Variants in CSMD1 observed in about 807,000 individuals in gnomAD.
The protein encoded by CSMD1 is CUB and sushi domain-containing protein 1.
In CSMD1, 213 loss-of-function variants were observed where a neutral mutation model predicts 417.5. The observed-to-expected ratio is 0.51, with a 90% confidence interval of 0.46 to 0.57. The LOEUF is 0.57. Among genes scored for constraint, CSMD1 ranks in the 20% least tolerant of loss-of-function variants. The pLI is 0.00. For synonymous variants in CSMD1, 2,862 were observed against 1,736.8 expected, an observed-to-expected ratio of 1.65 and a Z score of -16.11; for missense variants, 6,923 against 4,529.7, an observed-to-expected ratio of 1.53 and a Z score of -15.17.
chr8:3,886,512 C>T (rs145272787), intron 5 of CSMD1, among the ~76,000 whole-genome samples: 2 of 152,340 alleles, frequency 1.3e-5, no homozygotes, highest in African/African-American at 2.4e-5. Flanking sequence ...CCCAGCAGTG[C>T]TGCTGAAGTT....
intron 3 of CSMD1, among the ~76,000 whole-genome samples, chr8:4,381,461 T>C (rs554930883): frequency 1.3e-5 from 2 of 152,290 alleles, no homozygotes; most frequent in East Asian, 3.9e-4. Flanking sequence ...TGCCGACGTG[T>C]GCTAAAGATC....
At chr8:4,276,014 A>G (rs1312679058) in intron 3 of CSMD1, among the ~76,000 whole-genome samples, 1 of 152,162 alleles carries the variant, frequency 6.6e-6, no homozygotes, top group Admixed American at 6.6e-5. Flanking sequence ...TGCTTTTACA[A>G]TGTTGGTGGG....
intron 25 of CSMD1, among the ~76,000 whole-genome samples, chr8:3,300,780 A>T (rs149960911): frequency 0.011 from 1,688 of 151,416 alleles, 13 homozygotes; most frequent in Non-Finnish European, 0.016. Context: ...ACAGGGCGAA[A>T]CCCCGTGTCT....
At chr8:4,959,110 A>G (rs993384911) in intron 1 of CSMD1, among the ~76,000 whole-genome samples, 1 of 152,198 alleles carries the variant, frequency 6.6e-6, no homozygotes, top group Non-Finnish European at 1.5e-5. Flanking sequence ...CTTAGTTTTA[A>G]TATAGATTTT....
At chr8:4,856,367 A>G (rs961171170) in intron 1 of CSMD1, among the ~76,000 whole-genome samples, 1 of 145,736 alleles carries the variant, frequency 6.9e-6, no homozygotes, top group Non-Finnish European at 1.5e-5. Context: ...CTAACGAGCA[A>G]AATAACCAGC....
At chr8:3,892,916 C>T (rs942507773) in intron 5 of CSMD1, among the ~76,000 whole-genome samples, 20 of 151,610 alleles carry the variant, frequency 1.3e-4, no homozygotes, top group Non-Finnish European at 2.7e-4. Context: ...GAGCAAGAGG[C>T]CTCTCTGTGA....
chr8:2,960,547 T>C (rs1239604363), intron 62 of CSMD1, among the ~76,000 whole-genome samples: 2 of 152,210 alleles, frequency 1.3e-5, no homozygotes, highest in Non-Finnish European at 2.9e-5. Flanking sequence ...TTTAGGTATT[T>C]CTCCAACGTT....
At chr8:4,834,977 A>AAAAAAAAAAAAAAAAAAAAG (rs1385745588) in intron 1 of CSMD1, among the ~76,000 whole-genome samples, 1 of 32,240 alleles carries the variant, frequency 3.1e-5, no homozygotes, top group African/African-American at 5.3e-5. Context: ...AAAAAAAAAA[A>AAAAAAAAAAAAAAAAAAAAG]AAAGAAAGAA....
At chr8:4,032,820 G>T (rs906753089) in intron 3 of CSMD1, among the ~76,000 whole-genome samples, 1 of 152,176 alleles carries the variant, frequency 6.6e-6, no homozygotes, top group Non-Finnish European at 1.5e-5. Context: ...TCAACCATCT[G>T]AATGGACACA....
Position 4,788,465 on chromosome 8 carries a change from T to G in CSMD1, c.86-150907A>C, listed in dbSNP as rs182320835. ...ACTTTCTCCAGAAGGATCAGCTCAA[T>G]TTACTGCTCAGATATTTGGGGTAGA... On this transcript the variant is annotated intron_variant, in intron 1 of 69. Transcript: ENST00000635120. The G allele has an allele frequency of 1.6e-5, 21 of 1,338,344 alleles. No homozygotes were observed. The African/African-American group carries it at 2.8e-4, about 18-fold the overall frequency. 82.9% of individuals were successfully genotyped at this position (1,338,344 alleles called of 1,614,324 possible).
intron 4 of CSMD1, among the ~76,000 whole-genome samples, chr8:4,002,967 T>G (rs531849833): frequency 4.6e-5 from 7 of 152,188 alleles, no homozygotes; most frequent in Non-Finnish European, 8.8e-5. Flanking sequence ...AAAAATAACT[T>G]TATAAGTAAA....
intron 55 of CSMD1, among the ~76,000 whole-genome samples, 178 bp from the exon 56 acceptor site, chr8:2,974,802 AT>A (rs765517071): frequency 6.6e-6 from 1 of 152,086 alleles, no homozygotes; most frequent in Non-Finnish European, 1.5e-5. Flanking sequence ...TCCTCCCCTA[AT>A]TTCTTTACTG....
At chr8:4,954,892 T>C (rs1024654675) in intron 1 of CSMD1, among the ~76,000 whole-genome samples, 24 of 152,232 alleles carry the variant, frequency 1.6e-4, no homozygotes, top group African/African-American at 5.8e-4. Flanking sequence ...TCAGAGTACT[T>C]TGTTTCAAAA....
At chr8:4,296,703 T>TG (rs958460142) in intron 3 of CSMD1, among the ~76,000 whole-genome samples, 7 of 149,406 alleles carry the variant, frequency 4.7e-5, no homozygotes, top group Non-Finnish European at 8.9e-5. Flanking sequence ...AGGGTTTTTT[T>TG]TTTTTTTTTT....
chr8:4,209,750 G>A (rs1003308320), intron 3 of CSMD1, among the ~76,000 whole-genome samples: 5 of 152,184 alleles, frequency 3.3e-5, no homozygotes, highest in African/African-American at 1.2e-4. Context: ...TCCTAGCACA[G>A]CAGGACTACA....
chr8:3,614,900 GA>G (rs1167470738), intron 8 of CSMD1, among the ~76,000 whole-genome samples: 2 of 151,742 alleles, frequency 1.3e-5, no homozygotes, highest in African/African-American at 4.8e-5. Context: ...AAGGGGCACA[GA>G]AGGAAAGGGA....
chr8:3,636,831 T>C (rs1216113450), intron 7 of CSMD1, among the ~76,000 whole-genome samples: 2 of 152,190 alleles, frequency 1.3e-5, no homozygotes, highest in East Asian at 3.9e-4. Context: ...TTTTGCTATA[T>C]GAGTTTAAAT....
At chr8:3,623,531 T>G (rs1181432582) in intron 7 of CSMD1, among the ~76,000 whole-genome samples, 3 of 152,190 alleles carry the variant, frequency 2.0e-5, no homozygotes, top group African/African-American at 7.2e-5. Flanking sequence ...TAAAAATAAT[T>G]ACAATGATAC....
chr8:4,440,993 T>C (rs980162841), intron 2 of CSMD1, among the ~76,000 whole-genome samples: 2 of 129,228 alleles, frequency 1.5e-5, no homozygotes, highest in South Asian at 2.6e-4. Flanking sequence ...TGAGACTCTA[T>C]CTCAAAAAAA....
Sources: gnomAD v4.1 joint callset for allele counts (sites outside exome capture counted in the v4.1 genomes callset) on GRCh38, gnomAD v4.1.1 for gene constraint, MANE v1.5 for transcripts, NCBI Gene and HGNC (gene_info 2026-07-23, HGNC 2026-07-21) for gene names.